ADAMTS20: variants seen among roughly 807,000 people sequenced by gnomAD.
The protein encoded by ADAMTS20 is A disintegrin and metalloproteinase with thrombospondin motifs 20.
Under a neutral mutation model 260.1 loss-of-function variants are expected in ADAMTS20, and 225 were observed. The observed-to-expected ratio is 0.87, with a 90% CI of 0.78 to 0.97. ADAMTS20 has a LOEUF of 0.97. Ranked by LOEUF, ADAMTS20 falls within the 50% of genes least tolerant of loss-of-function variation. The pLI, the probability that ADAMTS20 is intolerant of heterozygous loss-of-function variation, is 0.00. For synonymous variants in ADAMTS20, 802 were observed against 769.5 expected (o/e 1.04, Z -0.70); for missense variants, 2,400 against 2,337.7 (o/e 1.03, Z -0.55).
chr12:43,394,689 G>T (rs1338698710), intron 29 of ADAMTS20, among the ~76,000 whole-genome samples: 1 of 152,084 alleles, frequency 6.6e-6, no homozygotes, highest in Non-Finnish European at 1.5e-5. Flanking sequence ...GGCCAAAGGG[G>T]CAATAATTTG....
intron 18 of ADAMTS20, among the ~76,000 whole-genome samples, chr12:43,438,269 G>A (rs141667423): frequency 6.6e-6 from 1 of 152,156 alleles, no homozygotes; most frequent in African/African-American, 2.4e-5. Flanking sequence ...TCATTCTCCT[G>A]TTTCTGAAAT....
chr12:43,529,441 G>A (rs1943191124), intron 3 of ADAMTS20, among the ~76,000 whole-genome samples: 1 of 152,018 alleles, frequency 6.6e-6, no homozygotes, highest in African/African-American at 2.4e-5. Flanking sequence ...AGAAAATGTG[G>A]TACATATACA....
intron 2 of ADAMTS20, among the ~76,000 whole-genome samples, chr12:43,540,625 G>C (rs1943363778): frequency 1.3e-5 from 1 of 75,236 alleles, no homozygotes; most frequent in African/African-American, 4.2e-5. Flanking sequence ...AACCCAGCAA[G>C]GAATTAGCAG....
At chr12:43,353,642 CA>C (rs2137172580), downstream of ADAMTS20, among the ~76,000 whole-genome samples, 1 of 152,046 alleles carries the variant, frequency 6.6e-6, no homozygotes, top group East Asian at 1.9e-4. Flanking sequence ...CCATAATCCA[CA>C]AGCAAAAATT....
chr12:43,540,145 C>A (rs546788928), intron 2 of ADAMTS20, among the ~76,000 whole-genome samples: 3 of 152,328 alleles, frequency 2.0e-5, no homozygotes, highest in African/African-American at 7.2e-5. Flanking sequence ...GCTGGGATTA[C>A]AGGCGTTAGC....
chr12:43,357,989 T>G (rs1456336240), intron 37 of ADAMTS20, among the ~76,000 whole-genome samples: 1 of 152,224 alleles, frequency 6.6e-6, no homozygotes, highest in Non-Finnish European at 1.5e-5. Flanking sequence ...GATACAGGTT[T>G]TGCACTGTAT....
chr12:43,370,037 T>A (rs148795198), intron 36 of ADAMTS20, among the ~76,000 whole-genome samples: 1 of 152,282 alleles, frequency 6.6e-6, no homozygotes, highest in Non-Finnish European at 1.5e-5. Flanking sequence ...CTATTCATGT[T>A]TGAATCAAAT....
At chr12:43,429,901 T>C (rs958509571) in intron 23 of ADAMTS20, among the ~76,000 whole-genome samples, 177 bp from the exon 24 acceptor site, 3 of 152,168 alleles carry the variant, frequency 2.0e-5, no homozygotes, top group African/African-American at 7.2e-5. Context: ...GTGTCAATAG[T>C]GGATAATGAC....
chr12:43,485,378 T>C (rs1323137987), intron 7 of ADAMTS20, among the ~76,000 whole-genome samples: 1 of 152,050 alleles, frequency 6.6e-6, no homozygotes, highest in Non-Finnish European at 1.5e-5. Context: ...AACATCCCTT[T>C]ATGATAAAAA....
At chr12:43,435,220 T>G (rs1259286704) in intron 18 of ADAMTS20, among the ~76,000 whole-genome samples, 1 of 152,210 alleles carries the variant, frequency 6.6e-6, no homozygotes, top group Non-Finnish European at 1.5e-5. Flanking sequence ...TGCACAAATG[T>G]GCCACATTAA....
chr12:43,498,753 C>A (rs548863075), intron 4 of ADAMTS20, among the ~76,000 whole-genome samples: 2 of 152,092 alleles, frequency 1.3e-5, no homozygotes, highest in Non-Finnish European at 2.9e-5. Flanking sequence ...TGGATTTGAT[C>A]GCTACACAGT....
intron 2 of ADAMTS20, among the ~76,000 whole-genome samples, chr12:43,537,558 A>G (rs984273365): frequency 3.3e-5 from 5 of 152,170 alleles, no homozygotes; most frequent in Non-Finnish European, 7.3e-5. Flanking sequence ...TTTAAAATAT[A>G]CAATTAAATT....
chr12:43,528,076 A>G (rs911958996), intron 3 of ADAMTS20, among the ~76,000 whole-genome samples: 2 of 152,034 alleles, frequency 1.3e-5, no homozygotes, highest in Non-Finnish European at 2.9e-5. Context: ...CAAGAACTCA[A>G]TCCCTTTTAC....
chr12:43,401,846 C>T (rs1940816782), intron 28 of ADAMTS20, among the ~76,000 whole-genome samples: 1 of 151,548 alleles, frequency 6.6e-6, no homozygotes, highest in Admixed American at 6.6e-5. Context: ...GTCAACATGC[C>T]TTTCCAACTT....
At chr12:43,395,401 T>A (rs1317411831) in intron 29 of ADAMTS20, among the ~76,000 whole-genome samples, 1 of 152,170 alleles carries the variant, frequency 6.6e-6, no homozygotes, top group African/African-American at 2.4e-5. Context: ...CTTATGTATT[T>A]TTGAAATATA....
At chr12:43,409,638 ATTAGAAGAC>A (rs1940995120) in intron 28 of ADAMTS20, among the ~76,000 whole-genome samples, 1 of 148,978 alleles carries the variant, frequency 6.7e-6, no homozygotes, top group African/African-American at 2.5e-5. Context: ...AAACAAGAAA[ATTAGAAGAC>A]CAATCCAAGA....
intron 3 of ADAMTS20, among the ~76,000 whole-genome samples, chr12:43,519,038 C>T (rs1487489262): frequency 6.6e-6 from 1 of 151,908 alleles, no homozygotes; most frequent in Non-Finnish European, 1.5e-5. Flanking sequence ...TGCTTGTTCC[C>T]CTAGTTTTTT....
intron 28 of ADAMTS20, among the ~76,000 whole-genome samples, chr12:43,405,229 C>CCAAA (rs1410899520): frequency 0.09 from 4,741 of 52,820 alleles, 953 homozygotes; most frequent in Admixed American, 0.12. Flanking sequence ...CTCATCTCTA[C>CCAAA]AAAAAAAAAA....
At chr12:43,461,759 CTAA>C (rs1413767869) in intron 11 of ADAMTS20, among the ~76,000 whole-genome samples, 1 of 152,036 alleles carries the variant, frequency 6.6e-6, no homozygotes, top group Admixed American at 6.6e-5. Context: ...AAGCTATTTA[CTAA>C]TACTAGTCAC....
Sources: allele counts gnomAD v4.1 joint callset (sites outside exome capture counted in the v4.1 genomes callset), GRCh38; gene constraint gnomAD v4.1.1; transcripts MANE v1.5; gene names NCBI Gene and HGNC (gene_info 2026-07-23, HGNC 2026-07-21).